WWOX: variants seen among roughly 807,000 people sequenced by gnomAD.
WWOX encodes the protein WW domain containing oxidoreductase, also known as WW domain-containing oxidoreductase.
In WWOX, 69 loss-of-function variants were observed where a neutral mutation model predicts 46.2. That is an observed-to-expected ratio of 1.49 (90% CI 1.23 to 1.82). The LOEUF is 1.82. Ranked by LOEUF, WWOX falls within the 40% of genes most tolerant of loss-of-function variation. The pLI is 0.00. For missense variants in WWOX, 919 were observed against 542.6 expected (o/e 1.69, Z -6.89); for synonymous variants, 359 against 202.6 (o/e 1.77, Z -6.56).
At chr16:79,001,279 C>G (rs79706011) in intron 8 of WWOX, among the ~76,000 whole-genome samples, 1,607 of 152,202 alleles carry the variant, frequency 0.011, 18 homozygotes, top group Non-Finnish European at 0.015. Flanking sequence ...TCCCCGCCCC[C>G]CTAAATCCAG....
At chr16:78,119,399 A>G (rs1039799694) in intron 4 of WWOX, among the ~76,000 whole-genome samples, 13 of 152,162 alleles carry the variant, frequency 8.5e-5, no homozygotes, top group African/African-American at 3.1e-4. Context: ...ATACTTTAGT[A>G]TAAAATGCTG....
At chr16:78,602,461 T>C (rs1399947429) in intron 8 of WWOX, among the ~76,000 whole-genome samples, 1 of 152,182 alleles carries the variant, frequency 6.6e-6, no homozygotes, top group Non-Finnish European at 1.5e-5. Context: ...CTCGAACTCC[T>C]GCCCTTGTGA....
At chr16:78,483,369 T>G (rs1449680671) in intron 8 of WWOX, among the ~76,000 whole-genome samples, 1 of 143,514 alleles carries the variant, frequency 7.0e-6, no homozygotes, top group Non-Finnish European at 1.5e-5. Context: ...TTGGCTGACA[T>G]GGAAGATTTT....
intron 7 of WWOX, among the ~76,000 whole-genome samples, chr16:78,427,682 G>A (rs796762819): frequency 5.9e-5 from 9 of 152,276 alleles, no homozygotes; most frequent in African/African-American, 1.9e-4. Flanking sequence ...AGAGGCTGAG[G>A]TGGGAGGATG....
At chr16:79,029,105 G>A (rs192408607) in intron 8 of WWOX, among the ~76,000 whole-genome samples, 6 of 149,064 alleles carry the variant, frequency 4.0e-5, no homozygotes, top group Admixed American at 4.0e-4. Context: ...GGCCAGCTGA[G>A]GTATCTCAGG....
intron 5 of WWOX, among the ~76,000 whole-genome samples, chr16:78,193,518 C>G (rs750032932): frequency 6.7e-5 from 1 of 14,918 alleles, no homozygotes; most frequent in East Asian, 2.0e-3. Context: ...CCATTAACCA[C>G]ACATGAATGG....
At chr16:79,085,709 C>T (rs551283251) in intron 8 of WWOX, among the ~76,000 whole-genome samples, 1 of 152,080 alleles carries the variant, frequency 6.6e-6, no homozygotes, top group Non-Finnish European at 1.5e-5. Flanking sequence ...CTTACCAAAA[C>T]CAGTTACCCT....
chr16:78,710,019 C>T (rs886370733), intron 8 of WWOX, among the ~76,000 whole-genome samples: 2 of 152,186 alleles, frequency 1.3e-5, no homozygotes, highest in South Asian at 2.1e-4. Flanking sequence ...GCGTCAGCCA[C>T]CGCCCCCGGC....
chr16:78,491,617 C>G (rs1188818113), intron 8 of WWOX, among the ~76,000 whole-genome samples: 2 of 152,060 alleles, frequency 1.3e-5, no homozygotes, highest in Non-Finnish European at 2.9e-5. Flanking sequence ...TGTGCGCTAC[C>G]ACACCTGGCT....
chr16:78,798,173 C>T (rs969694100), intron 8 of WWOX, among the ~76,000 whole-genome samples: 1 of 152,138 alleles, frequency 6.6e-6, no homozygotes, highest in Non-Finnish European at 1.5e-5. Flanking sequence ...GATACCAAAG[C>T]CACGGCACCT....
intron 8 of WWOX, among the ~76,000 whole-genome samples, chr16:78,884,285 AAAAAAAAAC>A (rs909669781): frequency 1.3e-5 from 2 of 149,834 alleles, no homozygotes; most frequent in African/African-American, 4.9e-5. Flanking sequence ...AAAAAAAAAA[AAAAAAAAAC>A]AAAAGACCAT....
At chr16:78,618,099 C>T (rs1250548370) in intron 8 of WWOX, among the ~76,000 whole-genome samples, 3 of 152,230 alleles carry the variant, frequency 2.0e-5, no homozygotes, top group Non-Finnish European at 4.4e-5. Flanking sequence ...TGACTGTCCA[C>T]ATTTTGCCTC....
intron 6 of WWOX, among the ~76,000 whole-genome samples, chr16:78,394,597 C>T (rs950803734): frequency 3.9e-5 from 6 of 151,974 alleles, no homozygotes; most frequent in Non-Finnish European, 7.4e-5. Flanking sequence ...AAAGTATGAC[C>T]GTAAAGGGCA....
At chr16:78,441,498 C>A (rs546650590) in intron 8 of WWOX, among the ~76,000 whole-genome samples, 1 of 152,188 alleles carries the variant, frequency 6.6e-6, no homozygotes, top group South Asian at 2.1e-4. Flanking sequence ...CCCCAAGGTC[C>A]CCCAGGCTCA....
At chr16:78,543,575 C>A (rs1233473882) in intron 8 of WWOX, among the ~76,000 whole-genome samples, 1 of 152,198 alleles carries the variant, frequency 6.6e-6, no homozygotes, top group African/African-American at 2.4e-5. Flanking sequence ...GTTTGAAGCA[C>A]TGTATTGAGC....
At chr16:78,743,355 T>C (rs939887560) in intron 8 of WWOX, among the ~76,000 whole-genome samples, 2 of 152,152 alleles carry the variant, frequency 1.3e-5, no homozygotes, top group Non-Finnish European at 2.9e-5. Flanking sequence ...CTTAACTCAT[T>C]GATTCTCAAA....
intron 8 of WWOX, among the ~76,000 whole-genome samples, chr16:79,073,612 G>C (rs527885095): frequency 6.6e-6 from 1 of 152,192 alleles, no homozygotes; most frequent in South Asian, 2.1e-4. Context: ...TCAAATGTCT[G>C]TTCTCCCTTT....
intron 8 of WWOX, among the ~76,000 whole-genome samples, chr16:78,581,137 G>C (rs2151588837): frequency 6.6e-6 from 1 of 151,972 alleles, no homozygotes; most frequent in African/African-American, 2.4e-5. Flanking sequence ...TTAATGCGCA[G>C]GACATGACAC....
Position 78,341,522 on chromosome 16 carries a change from A to G in WWOX, c.517-45338A>G, listed in dbSNP as rs1291100386. 1.2e-4 allele frequency among the ~76,000 whole-genome samples: 14 copies of G among 120,088 alleles called. 5 individuals are homozygous for G. Among genetic ancestry groups the G allele is most frequent in the Non-Finnish European group, 2.0e-4 (10 of 50,408 alleles). 78.8% of individuals were successfully genotyped at this position (120,088 alleles called of 152,430 possible). A position where few individuals can be genotyped will look rare whatever the true frequency, so the allele number is the denominator to read the frequency against. ...TATTTTGCTGGGAGAACAATTTGGG[A>G]AAATTTGAGCAGCAAACCATAAGTT... On this transcript the variant is annotated intron_variant, in intron 5 of 8. Transcript: ENST00000566780.
Sources: gnomAD v4.1 joint callset for allele counts (sites outside exome capture counted in the v4.1 genomes callset) on GRCh38, gnomAD v4.1.1 for gene constraint, MANE v1.5 for transcripts, NCBI Gene and HGNC (gene_info 2026-07-23, HGNC 2026-07-21) for gene names.